The following PPP3CA variants were observed in gnomAD, a reference collection of about 807,000 sequenced individuals.
The protein encoded by PPP3CA is CAM-PRP catalytic subunit.
In PPP3CA, 14 loss-of-function variants were observed where a neutral mutation model predicts 66.5. That is an observed-to-expected ratio of 0.21 (90% CI 0.14 to 0.33). The LOEUF (loss-of-function observed/expected upper bound fraction) is 0.33, where lower values mean the gene tolerates loss of function less well. Among genes scored for constraint, PPP3CA ranks in the 10% least tolerant of loss-of-function variants. The pLI is 1.00. For missense variants in PPP3CA, 317 were observed against 639.5 expected (o/e 0.50, Z 5.44); for synonymous variants, 232 against 226.2 (o/e 1.03, Z -0.23).
At chr4:101,063,429 C>T in intron 8 of PPP3CA, 72 bp from the exon 9 acceptor site, 1 of 1,487,636 alleles carries the variant, frequency 6.7e-7, no homozygotes, top group Non-Finnish European at 9.0e-7. Flanking sequence ...TTTAGCTCAT[C>T]AAGAAAATTC....
intron 7 of PPP3CA, among the ~76,000 whole-genome samples, 184 bp from the exon 8 acceptor site, chr4:101,080,810 G>A (rs1004061175): frequency 6.6e-6 from 1 of 152,054 alleles, no homozygotes; most frequent in Admixed American, 6.5e-5. Context: ...ACATTTCAGG[G>A]GGGTGGGTAT....
At chr4:101,199,198 G>A (rs1277127361) in intron 1 of PPP3CA, among the ~76,000 whole-genome samples, 2 of 152,216 alleles carry the variant, frequency 1.3e-5, no homozygotes, top group African/African-American at 2.4e-5. Flanking sequence ...AATCCTGCAT[G>A]AAGACCTGTG....
chr4:101,302,480 A>G (rs1411923818), intron 1 of PPP3CA, among the ~76,000 whole-genome samples: 1 of 152,256 alleles, frequency 6.6e-6, no homozygotes, highest in Non-Finnish European at 1.5e-5. Context: ...GCATTCAATA[A>G]TAAGACAATT....
intron 1 of PPP3CA, among the ~76,000 whole-genome samples, chr4:101,278,133 A>G (rs1560694468): frequency 7.1e-6 from 1 of 140,830 alleles, no homozygotes; most frequent in Non-Finnish European, 1.5e-5. Context: ...AAAAAAAAAA[A>G]AAAAAATAAA....
intron 2 of PPP3CA, among the ~76,000 whole-genome samples, chr4:101,167,355 T>C (rs1289172177): frequency 6.6e-6 from 1 of 152,130 alleles, no homozygotes; most frequent in Admixed American, 6.6e-5. Context: ...ACCAGACAGT[T>C]TTCTTCACCT....
rs576820592 is a variant in PPP3CA at position 101,165,646 on chromosome 4, T to A, written c.259+30270A>T. On this transcript the variant is annotated intron_variant, in intron 2 of 13. Coordinates refer to ENST00000394854, the MANE Select transcript of PPP3CA (RefSeq NM_000944.5). Reference sequence around the variant, plus strand: ...TTGTTCAAATATTATAATACTTACATGTGTACATCAATAAAATGTACTAAC... The same window carrying A: ...TTGTTCAAATATTATAATACTTACAAGTGTACATCAATAAAATGTACTAAC... 2.6e-5 allele frequency among the ~76,000 whole-genome samples: 4 copies of A among 152,192 alleles called. No individual in the cohort carries two copies. The East Asian group carries it at 5.8e-4, about 22-fold the overall frequency.
chr4:101,216,121 A>AT (rs1380686698), intron 1 of PPP3CA, among the ~76,000 whole-genome samples: 1 of 152,088 alleles, frequency 6.6e-6, no homozygotes, highest in Non-Finnish European at 1.5e-5. Context: ...TTTGAGATGA[A>AT]TTTTTTTGGC....
intron 1 of PPP3CA, among the ~76,000 whole-genome samples, chr4:101,338,064 T>C (rs1356063883): frequency 6.6e-6 from 1 of 152,248 alleles, no homozygotes; most frequent in African/African-American, 2.4e-5. Context: ...AAGACTAATA[T>C]GGGCCTCCCA....
At position 101,305,494 on chromosome 4, in the gene PPP3CA, T is replaced by C. The variant is rs1425851293; in HGVS notation, c.58+41245A>G. On this transcript the variant is annotated intron_variant, in intron 1 of 13. Coordinates refer to ENST00000394854, the MANE Select transcript of PPP3CA (RefSeq NM_000944.5). ...AGCAACTTTTAATCATAAAGTTTTC[T>C]AGAAAACTGAAAAAATACTTAAGAT... Among the ~76,000 whole-genome samples, 4 of 152,324 alleles carry C rather than the reference T, an allele frequency of 2.6e-5. No homozygotes were observed. The South Asian group carries it at 6.2e-4, about 24-fold the overall frequency.
chr4:101,046,070 CAG>C (rs1727751192), intron 10 of PPP3CA, among the ~76,000 whole-genome samples: 2 of 152,108 alleles, frequency 1.3e-5, no homozygotes, highest in Admixed American at 6.5e-5. Flanking sequence ...CTTTATGTAA[CAG>C]GGGAGGATGC....
intron 6 of PPP3CA, 141 bp downstream of exon 6, chr4:101,093,635 T>C: frequency 1.2e-6 from 1 of 842,278 alleles, no homozygotes; most frequent in South Asian, 3.6e-5. Flanking sequence ...TTATTTATAT[T>C]TTCATTTTAT....
At chr4:101,055,811 A>G (rs1335852040) in intron 10 of PPP3CA, among the ~76,000 whole-genome samples, 1 of 152,064 alleles carries the variant, frequency 6.6e-6, no homozygotes, top group Non-Finnish European at 1.5e-5. Flanking sequence ...ATAATACTGC[A>G]AAATCTATTT....
intron 1 of PPP3CA, among the ~76,000 whole-genome samples, chr4:101,324,699 A>C (rs1729158406): frequency 6.6e-6 from 1 of 152,222 alleles, no homozygotes; most frequent in African/African-American, 2.4e-5. Flanking sequence ...ACAACAAAAA[A>C]AAAAAAGACA....
chr4:101,335,174 C>T (rs1427032971), intron 1 of PPP3CA, among the ~76,000 whole-genome samples: 2 of 152,086 alleles, frequency 1.3e-5, no homozygotes, highest in African/African-American at 4.8e-5. Flanking sequence ...TGTGTTGACA[C>T]CATAGTTGGA....
Position 101,177,680 on chromosome 4 carries a change from T to C in PPP3CA, c.259+18236A>G, listed in dbSNP as rs1435296270. Among the ~76,000 whole-genome samples, 4 of 152,166 alleles carry C rather than the reference T, an allele frequency of 2.6e-5. No individual in the cohort carries two copies. The East Asian group carries it at 5.8e-4, about 22-fold the overall frequency. On this transcript the variant is annotated intron_variant, in intron 2 of 13. Transcript: ENST00000394854. ...ATCAAACAAAGTAAGAAAAGGTTTA[T>C]ATAAATTCTATGAATTGAATTTTTG... is the stretch of plus-strand genomic sequence containing the variant.
Position 101,084,621 on chromosome 4 carries a change from C to T in PPP3CA, c.783-1358G>A, listed in dbSNP as rs1224149483. ...ACGCACCATTGCACTCCAGCCTGGG[C>T]GACAAGAGTGAAACTCCATCTCAAA... On this transcript the variant is annotated intron_variant, in intron 6 of 13. Coordinates refer to ENST00000394854, the MANE Select transcript of PPP3CA (RefSeq NM_000944.5). 6.0e-5 allele frequency among the ~76,000 whole-genome samples: 9 copies of T among 149,044 alleles called. No homozygotes were observed. In the East Asian group the frequency reaches 9.8e-4, roughly 16 times the overall value.
chr4:101,169,361 C>T (rs934007226), intron 2 of PPP3CA, among the ~76,000 whole-genome samples: 1 of 152,054 alleles, frequency 6.6e-6, no homozygotes, highest in Non-Finnish European at 1.5e-5. Flanking sequence ...GTGTGCATGC[C>T]CAAGGCTACT....
chr4:101,311,892 T>A (rs569840287), intron 1 of PPP3CA, among the ~76,000 whole-genome samples: 43 of 152,340 alleles, frequency 2.8e-4, no homozygotes, highest in East Asian at 9.6e-4. Flanking sequence ...ACCTTTTTTT[T>A]ATCTCTTTCC....
At chr4:101,172,889 C>T (rs1057219182) in intron 2 of PPP3CA, among the ~76,000 whole-genome samples, 14 of 152,254 alleles carry the variant, frequency 9.2e-5, no homozygotes, top group African/African-American at 2.4e-4. Context: ...ACTTGCAATG[C>T]TACTTTATTT....
Sources: allele counts gnomAD v4.1 joint callset (sites outside exome capture counted in the v4.1 genomes callset), GRCh38; gene constraint gnomAD v4.1.1; transcripts MANE v1.5; gene names NCBI Gene and HGNC (gene_info 2026-07-23, HGNC 2026-07-21).